The following ZNF320 variants were observed in gnomAD, a reference collection of about 807,000 sequenced individuals.
ZNF320 encodes the protein zinc finger gene 320.
A neutral mutation model predicts 6.8 loss-of-function variants in ZNF320; 2 were observed. The ratio of observed to expected loss-of-function variants is 0.29; its 90% CI spans 0.12 to 0.93. The LOEUF (loss-of-function observed/expected upper bound fraction) is 0.93. Among genes scored for constraint, ZNF320 ranks in the 40% least tolerant of loss-of-function variants. ZNF320 has a pLI of 0.55. For missense variants in ZNF320, 472 were observed against 611.0 expected (o/e 0.77, Z 2.40); for synonymous variants, 208 against 203.2 (o/e 1.02, Z -0.20).
chr19:52,881,748 A>G lies in ZNF320; in HGVS notation c.378T>C (p.Tyr126=). 1 of 1,613,974 alleles carries G rather than the reference A, an allele frequency of 6.2e-7. No individual in the cohort carries two copies. The highest frequency in any genetic ancestry group is 1.1e-5 in the South Asian group (1 of 91,076). Residue 126 remains tyrosine (Y), a synonymous_variant, in exon 6 of 6, where the codon TAT becomes TAC. Transcript: ENST00000682928. ...IKKLTSSTDR[Y]DQRHAGNKPI... ...GCTTGTTTCCAGCATGCCTTTGATCATATCGGTCTGTACTACTAGTCAACT... is the reference window on the plus strand; with the variant it reads ...GCTTGTTTCCAGCATGCCTTTGATCGTATCGGTCTGTACTACTAGTCAACT...
downstream of ZNF320, among the ~76,000 whole-genome samples, chr19:52,874,838 T>G (rs1271875590): frequency 6.6e-6 from 1 of 152,094 alleles, no homozygotes; most frequent in East Asian, 1.9e-4. Context: ...CACTTGCAGC[T>G]GAGGGGCCAG....
At chr19:52,898,372 G>A (rs1296252915), upstream of ZNF320, among the ~76,000 whole-genome samples, 1 of 152,088 alleles carries the variant, frequency 6.6e-6, no homozygotes, top group East Asian at 1.9e-4. Flanking sequence ...CTGGGGTCCC[G>A]GCTACTCAGG....
At chr19:52,864,619 A>G (rs780260920) in intron 5 of ZNF320, among the ~76,000 whole-genome samples, 5 of 152,152 alleles carry the variant, frequency 3.3e-5, no homozygotes, top group Non-Finnish European at 5.9e-5. Context: ...CAACATGGTG[A>G]AAACTCCTCT....
chr19:52,880,893 T>C lies in ZNF320; in HGVS notation c.1233A>G (p.Lys411=). The C allele has an allele frequency of 6.2e-7, 1 of 1,613,962 alleles. No homozygotes were observed. Among genetic ancestry groups the C allele is most frequent in the South Asian group, 1.1e-5 (1 of 91,076 alleles). Residue 411 remains lysine (K), a synonymous_variant, in exon 6 of 6, where the codon AAA becomes AAG. Coordinates refer to ENST00000682928, the MANE Select transcript of ZNF320 (RefSeq NM_001351774.2). ...ACHQKLHTGE[K]LYECEECDKV... is the part of the protein sequence containing the mutation. ...TGTCACATTCTTCACATTCGTAAAGTTTCTCTCCAGTATGAAGTTTTTGAT... is the reference window on the plus strand; with the variant it reads ...TGTCACATTCTTCACATTCGTAAAGCTTCTCTCCAGTATGAAGTTTTTGAT...
In ZNF320 at chr19:52,878,302, T is replaced by C. The variant is rs1225150696; in HGVS notation, c.*2294A>G. On this transcript the variant is annotated 3_prime_UTR_variant, in exon 6 of 6. Coordinates refer to ENST00000682928, the MANE Select transcript of ZNF320 (RefSeq NM_001351774.2). Reference sequence around the variant, plus strand: ...TCTCGCTCTGTCACCCAGGCTGGAGTGCAGTAGCATGATCTCTGCTCATGG... The same window carrying C: ...TCTCGCTCTGTCACCCAGGCTGGAGCGCAGTAGCATGATCTCTGCTCATGG... 7.2e-6 allele frequency: 1 copy of C among 139,660 alleles called. No homozygotes were observed. The highest frequency in any genetic ancestry group is 8.2e-5 in the Admixed American group (1 of 12,260). 8.7% of individuals were successfully genotyped at this position (139,660 alleles called of 1,614,324 possible). A position where few individuals can be genotyped will look rare whatever the true frequency, so the allele number is the denominator to read the frequency against.
At chr19:52,862,743 C>G (rs992130484) in exon 6 of ZNF320, 4 of 404,880 alleles carry the variant, frequency 9.9e-6, no homozygotes, top group Non-Finnish European at 2.0e-5. Context: ...TTTTCACAAA[C>G]CTTACATTTG....
intron 5 of ZNF320, among the ~76,000 whole-genome samples, chr19:52,869,520 T>C (rs904432188): frequency 6.6e-6 from 1 of 151,944 alleles, no homozygotes; most frequent in African/African-American, 2.4e-5. Context: ...GTAATAACAA[T>C]AATAATAATA....
In ZNF320 at chr19:52,888,108, G is replaced by A; in HGVS notation, c.142+19C>T. 16 of 1,600,230 alleles carry A rather than the reference G, an allele frequency of 1.0e-5. No homozygotes were observed. Among genetic ancestry groups the A allele is most frequent in the Non-Finnish European group, 1.4e-5 (16 of 1,176,090 alleles). On this transcript the variant is annotated intron_variant, in intron 5 of 5. Coordinates refer to ENST00000682928, the MANE Select transcript of ZNF320 (RefSeq NM_001351774.2). ...TCCACAAGGGCACATCCCCACTTCT[G>A]GAGGGAAGTTATCCTCACCCAGGGA...
At chr19:52,862,328 C>A in exon 6 of ZNF320, 1 of 530,734 alleles carries the variant, frequency 1.9e-6, no homozygotes, top group Non-Finnish European at 3.8e-6. Flanking sequence ...ACCCAAAATC[C>A]TTATCACAAA....
rs1399323829 is a variant in ZNF320 at position 52,880,483 on chromosome 19, G to C, written c.*113C>G. On this transcript the variant is annotated 3_prime_UTR_variant, in exon 6 of 6. Transcript: ENST00000682928. The stretch of plus-strand genomic sequence containing the variant: ...CTCAAAGTGCTGGGATTACAGGTGT[G>C]AGACACCACGCCTGGCCCAATCCTC... The C allele has an allele frequency of 3.6e-6, 4 of 1,096,254 alleles. No homozygotes were observed. The highest frequency in any genetic ancestry group is 5.2e-6 in the Non-Finnish European group (4 of 772,696). The allele number at this position is 1,096,254 out of a possible 1,614,324, so 67.9% of individuals were successfully genotyped here.
chr19:52,889,824 T>C (rs2064229262), intron 4 of ZNF320, among the ~76,000 whole-genome samples: 1 of 152,184 alleles, frequency 6.6e-6, no homozygotes, highest in Admixed American at 6.5e-5. Context: ...GATTTCCTAT[T>C]ATTGGTCTCT....
At chr19:52,891,432 AGGG>A (rs2064288498) in intron 2 of ZNF320, 86 bp from the exon 3 acceptor site, 1 of 145,080 alleles carries the variant, frequency 6.9e-6, no homozygotes, top group Non-Finnish European at 1.5e-5. Flanking sequence ...TGATGGGCAG[AGGG>A]AATTTCAGAT....
At chr19:52,868,375 A>T (rs55789609) in intron 5 of ZNF320, among the ~76,000 whole-genome samples, 1 of 151,972 alleles carries the variant, frequency 6.6e-6, no homozygotes, top group East Asian at 1.9e-4. Flanking sequence ...GTGTGGTGGT[A>T]CATGCCTGTA....
intron 3 of ZNF320, 141 bp downstream of exon 3, chr19:52,891,088 G>A (rs76719337): frequency 0.16 from 23,832 of 152,104 alleles, 1,978 homozygotes; most frequent in East Asian, 0.27. Flanking sequence ...AGTGGAGGTT[G>A]CAATGGGCCG....
chr19:52,867,745 G>A (rs2063602666), intron 5 of ZNF320, among the ~76,000 whole-genome samples: 1 of 152,056 alleles, frequency 6.6e-6, no homozygotes, highest in Non-Finnish European at 1.5e-5. Context: ...CCGTGTAGCT[G>A]GGATTTCAGG....
At chr19:52,902,571 T>C (rs2064574690), upstream of ZNF320, among the ~76,000 whole-genome samples, 1 of 152,226 alleles carries the variant, frequency 6.6e-6, no homozygotes, top group Admixed American at 6.5e-5. Context: ...TCTAGTAAAA[T>C]GAATGCTTCC....
At chr19:52,872,321 G>A (rs1223860813), downstream of ZNF320, among the ~76,000 whole-genome samples, 3 of 152,182 alleles carry the variant, frequency 2.0e-5, no homozygotes, top group Non-Finnish European at 4.4e-5. Flanking sequence ...GTATATTAAT[G>A]TACTGAAGGG....
downstream of ZNF320, chr19:52,874,246 T>C (rs545035688): frequency 3.3e-5 from 6 of 180,104 alleles, no homozygotes; most frequent in East Asian, 1.8e-4. Flanking sequence ...AAGGGTAATT[T>C]TGACCCATTT....
chr19:52,870,543 G>A (rs1401997789), intron 5 of ZNF320, among the ~76,000 whole-genome samples: 1 of 144,170 alleles, frequency 6.9e-6, no homozygotes, highest in Non-Finnish European at 1.6e-5. Context: ...TAAAACTTAT[G>A]GCAAATGTTG....
Sources: allele counts gnomAD v4.1 joint callset (sites outside exome capture counted in the v4.1 genomes callset), GRCh38; gene constraint gnomAD v4.1.1; transcripts MANE v1.5; gene names NCBI Gene and HGNC (gene_info 2026-07-23, HGNC 2026-07-21).